The following TACO1 variants were observed in gnomAD, a reference collection of about 807,000 sequenced individuals.
The protein encoded by TACO1 is translational activator of cytochrome c oxidase 1.
A neutral mutation model predicts 24.0 loss-of-function variants in TACO1; 13 were observed. The ratio of observed to expected loss-of-function variants is 0.54; its 90% CI spans 0.35 to 0.86. The LOEUF is 0.86. Among genes scored for constraint, TACO1 ranks in the 40% least tolerant of loss-of-function variants. The pLI, the probability that TACO1 is intolerant of heterozygous loss-of-function variation, is 0.01. For missense variants in TACO1, 352 were observed against 380.1 expected, an observed-to-expected ratio of 0.93 and a Z score of 0.61; for synonymous variants, 149 against 153.5, an observed-to-expected ratio of 0.97 and a Z score of 0.22.
intron 1 of TACO1, among the ~76,000 whole-genome samples, chr17:63,604,268 G>T (rs1055879379): frequency 6.6e-6 from 1 of 152,104 alleles, no homozygotes; most frequent in African/African-American, 2.4e-5. Context: ...AACCCAGGAG[G>T]TGGATGTTGC....
intron 3 of TACO1, chr17:63,607,007 A>G (rs931226383): frequency 3.9e-6 from 2 of 515,294 alleles, no homozygotes; most frequent in Non-Finnish European, 7.0e-6. Flanking sequence ...AAGTCTTAAA[A>G]TGCTCCACCA....
intron 1 of TACO1, among the ~76,000 whole-genome samples, chr17:63,602,579 T>A (rs1363784996): frequency 6.6e-6 from 1 of 151,986 alleles, no homozygotes; most frequent in Non-Finnish European, 1.5e-5. Flanking sequence ...CAGGGTAGAG[T>A]GCAGTGGCGT....
intron 1 of TACO1, among the ~76,000 whole-genome samples, chr17:63,601,673 T>G (rs2033822882): frequency 6.6e-6 from 1 of 152,152 alleles, no homozygotes; most frequent in African/African-American, 2.4e-5. Flanking sequence ...AAACAAGCCC[T>G]AAGAGTCAGG....
At chr17:63,601,423 C>T in intron 1 of TACO1, 60 bp downstream of exon 1, 1 of 1,584,630 alleles carries the variant, frequency 6.3e-7, no homozygotes, top group Non-Finnish European at 8.6e-7. Context: ...CCCGCAGCCT[C>T]GCTTGCCTCT....
Position 63,601,363 on chromosome 17 carries a change from G to A in TACO1, c.280G>A (p.Glu94Lys). The A allele has an allele frequency of 6.2e-7, 1 of 1,612,296 alleles. No individual in the cohort carries two copies. The highest frequency in any genetic ancestry group is 8.5e-7 in the Non-Finnish European group (1 of 1,179,906). Residue 94 changes from glutamate to lysine, a missense_variant and splice_region_variant, in exon 1 of 5, where the codon GAA (glutamate) becomes AAA (lysine). Coordinates refer to ENST00000258975, the MANE Select transcript of TACO1 (RefSeq NM_016360.4). ...LCLNIRLAVKEGGPNPEHNSN... is the reference protein window; with the variant it reads ...LCLNIRLAVKKGGPNPEHNSN... ...TTTGAACATCCGCCTGGCAGTGAAA[G>A]GTGAGACCCTGACGGTCACCCAGCA...
chr17:63,607,279 C>A lies in TACO1; in HGVS notation c.516-8C>A, dbSNP rs770727675. The A allele has an allele frequency of 6.2e-7, 1 of 1,613,148 alleles. No individual in the cohort carries two copies. The highest frequency in any genetic ancestry group is 1.1e-5 in the South Asian group (1 of 91,024). ...CCACTCATGCCAGCCTGTTTCCTTC[C>A]CTGTCAGAGGAGTGATGGCTGTAGG... On this transcript the variant is annotated splice_polypyrimidine_tract_variant and splice_region_variant and intron_variant, in intron 3 of 4. Coordinates refer to ENST00000258975, the MANE Select transcript of TACO1 (RefSeq NM_016360.4).
In TACO1 at chr17:63,606,397, C is replaced by T. The variant is rs954281840; in HGVS notation, c.472C>T (p.His158Tyr). Residue 158 changes from histidine to tyrosine, a missense_variant, in exon 3 of 5, where the codon CAC becomes TAC. By Grantham distance (83) the His-to-Tyr change is moderately conservative. Coordinates refer to ENST00000258975, the MANE Select transcript of TACO1 (RefSeq NM_016360.4). ...LLIEALSNSS[H>Y]KCQADIRHIL... The stretch of plus-strand genomic sequence containing the variant: ...CATCGAGGCATTATCTAACAGTAGC[C>T]ACAAGTGCCAAGCAGACATTAGACA... 3.7e-6 allele frequency: 6 copies of T among 1,614,132 alleles called. No individual in the cohort carries two copies. The highest frequency in any genetic ancestry group is 5.1e-6 in the Non-Finnish European group (6 of 1,180,030).
intron 1 of TACO1, among the ~76,000 whole-genome samples, chr17:63,602,869 C>T (rs1374955799): frequency 1.3e-5 from 2 of 152,094 alleles, no homozygotes; most frequent in African/African-American, 4.8e-5. Context: ...GCCAGGCATG[C>T]CATTGGTACT....
In TACO1 at chr17:63,607,669, G is replaced by A. The variant is rs147132952; in HGVS notation, c.694-133G>A. 3.3e-4 allele frequency: 326 copies of A among 1,000,932 alleles called. 3 individuals carry two copies. In the East Asian group the frequency reaches 6.6e-3, roughly 20 times the overall value. 62.0% of individuals were successfully genotyped at this position (1,000,932 alleles called of 1,614,324 possible). A position where few individuals can be genotyped will look rare whatever the true frequency, so the allele number is the denominator to read the frequency against. ...AAGAAAGAGTCAAAACATTGAAAACGATGTCCCTGCCAGTGAAGAGCTCAA... is the reference window on the plus strand; with the variant it reads ...AAGAAAGAGTCAAAACATTGAAAACAATGTCCCTGCCAGTGAAGAGCTCAA... On this transcript the variant is annotated intron_variant, in intron 4 of 4. Transcript: ENST00000258975.
At chr17:63,605,019 A>G (rs2033852431) in intron 2 of TACO1, among the ~76,000 whole-genome samples, 1 of 152,056 alleles carries the variant, frequency 6.6e-6, no homozygotes, top group Non-Finnish European at 1.5e-5. Context: ...GTCTCAAAAA[A>G]AAAAAAAAAA....
chr17:63,602,280 A>G (rs796113344), intron 1 of TACO1, among the ~76,000 whole-genome samples: 3,724 of 149,840 alleles, frequency 0.025, 115 homozygotes, highest in African/African-American at 0.077. Context: ...AAAAAAAAAA[A>G]AGAGAGAGAA....
chr17:63,606,477 G>A (rs752109282), intron 3 of TACO1, 37 bp downstream of exon 3: 1 of 1,612,920 alleles, frequency 6.2e-7, no homozygotes, highest in Non-Finnish European at 8.5e-7. Context: ...AGGGGACAGA[G>A]CCTTTATGTT....
intron 4 of TACO1, 114 bp from the exon 5 acceptor site, chr17:63,607,688 A>G (rs1054301103): frequency 9.1e-5 from 99 of 1,091,260 alleles, no homozygotes; most frequent in Non-Finnish European, 1.3e-4. Flanking sequence ...GCCAGTGAAG[A>G]GCTCAAACCC....
Position 63,608,313 on chromosome 17 carries a change from C to T in TACO1, c.*311C>T, listed in dbSNP as rs577900420. On this transcript the variant is annotated 3_prime_UTR_variant, in exon 5 of 5. Coordinates refer to ENST00000258975, the MANE Select transcript of TACO1 (RefSeq NM_016360.4). ...TGTGGGGATTGTAAGTGCCCTGAGGCGCTCTGTACTAGAAACTGCTCTTAA... is the reference window on the plus strand; with the variant it reads ...TGTGGGGATTGTAAGTGCCCTGAGGTGCTCTGTACTAGAAACTGCTCTTAA... 42 of 447,126 alleles carry T rather than the reference C, an allele frequency of 9.4e-5. No homozygotes were observed. The highest frequency in any genetic ancestry group is 9.0e-4 in the East Asian group (19 of 21,106). 27.7% of individuals were successfully genotyped at this position (447,126 alleles called of 1,614,324 possible).
Position 63,607,903 on chromosome 17 carries a change from G to C in TACO1, c.795G>C (p.Lys265Asn), listed in dbSNP as rs779742029. The C allele has an allele frequency of 2.5e-6, 4 of 1,614,196 alleles. No homozygotes were observed. The highest frequency in any genetic ancestry group is 1.1e-5 in the South Asian group (1 of 91,084). The stretch of plus-strand genomic sequence containing the variant: ...CACTAGAGTTCATCCCCAACTCAAA[G>C]GTGCAGCTGGCTGAGCCCGACCTGG... ...SCALEFIPNS[K>N]VQLAEPDLEQ... The change falls in exon 5 of 5, where the codon AAG becomes AAC. Residue 265 changes from lysine (K) to asparagine (N), a missense_variant. Lys to Asn is a moderately conservative substitution (Grantham distance 94, BLOSUM62 0). Transcript: ENST00000258975.
rs930696392 is a variant in TACO1 at position 63,608,248 on chromosome 17, C to T, written c.*246C>T. On this transcript the variant is annotated 3_prime_UTR_variant, in exon 5 of 5. Transcript: ENST00000258975. ...CACCCTCTCGGATGCAGGGCAGGACCACCCAGCTGGTCAGACTCTGATGTT... is the reference window on the plus strand; with the variant it reads ...CACCCTCTCGGATGCAGGGCAGGACTACCCAGCTGGTCAGACTCTGATGTT... 3.6e-6 allele frequency: 2 copies of T among 557,924 alleles called. No homozygotes were observed. Among genetic ancestry groups the T allele is most frequent in the Non-Finnish European group, 6.5e-6 (2 of 309,290 alleles). The allele number at this position is 557,924 out of a possible 1,614,324, so 34.6% of individuals were successfully genotyped here. A position where few individuals can be genotyped will look rare whatever the true frequency, so the allele number is the denominator to read the frequency against.
Position 63,608,251 on chromosome 17 carries a change from C to G in TACO1, c.*249C>G, listed in dbSNP as rs183379298. 1.5e-5 allele frequency: 8 copies of G among 551,384 alleles called. No individual in the cohort carries two copies. The Admixed American group carries it at 2.0e-4, about 14-fold the overall frequency. The allele number at this position is 551,384 out of a possible 1,614,324, so 34.2% of individuals were successfully genotyped here. A position where few individuals can be genotyped will look rare whatever the true frequency, so the allele number is the denominator to read the frequency against. On this transcript the variant is annotated 3_prime_UTR_variant, in exon 5 of 5. Transcript: ENST00000258975. ...CCTCTCGGATGCAGGGCAGGACCACCCAGCTGGTCAGACTCTGATGTTGGG... is the reference window on the plus strand; with the variant it reads ...CCTCTCGGATGCAGGGCAGGACCACGCAGCTGGTCAGACTCTGATGTTGGG...
intron 1 of TACO1, among the ~76,000 whole-genome samples, chr17:63,601,574 G>A (rs2033822118): frequency 6.6e-6 from 1 of 152,174 alleles, no homozygotes. Flanking sequence ...TGAGCATCTG[G>A]CCAGTTTGTC....
At chr17:63,605,082 CT>C (rs2033852875) in intron 2 of TACO1, among the ~76,000 whole-genome samples, 1 of 151,914 alleles carries the variant, frequency 6.6e-6, no homozygotes, top group South Asian at 2.1e-4. Context: ...CTAGAGTCTT[CT>C]GAGAGCTCAC....
Sources: gnomAD v4.1 joint callset for allele counts (sites outside exome capture counted in the v4.1 genomes callset) on GRCh38, gnomAD v4.1.1 for gene constraint, MANE v1.5 for transcripts, NCBI Gene and HGNC (gene_info 2026-07-23, HGNC 2026-07-21) for gene names.